HPS3: variants seen among roughly 807,000 people sequenced by gnomAD.
HPS3 encodes the protein BLOC-2 complex member HPS3.
In HPS3, 79 loss-of-function variants were observed where a neutral mutation model predicts 110.9. The observed-to-expected ratio is 0.71, with a 90% CI of 0.59 to 0.86. The LOEUF is 0.86. HPS3 is among the 40% of genes least tolerant of loss of function. The probability of loss-of-function intolerance (pLI) is 0.00; values close to 1 mark genes in which losing one functional copy is unlikely to be tolerated. For synonymous variants in HPS3, 428 were observed against 451.0 expected (o/e 0.95, Z 0.65); for missense variants, 1,197 against 1,206.2 (o/e 0.99, Z 0.11).
intron 9 of HPS3, 86 bp downstream of exon 9, chr3:149,157,617 C>T: frequency 3.3e-6 from 4 of 1,207,944 alleles, no homozygotes; most frequent in Non-Finnish European, 4.9e-6. Context: ...TGGTAGTTAC[C>T]TGATAAATGG....
intron 6 of HPS3, among the ~76,000 whole-genome samples, chr3:149,152,201 G>A (rs564167471): frequency 6.4e-4 from 98 of 152,228 alleles, no homozygotes; most frequent in African/African-American, 2.3e-3. Flanking sequence ...AAATAGAAAA[G>A]TAACAGATTA....
intron 1 of HPS3, among the ~76,000 whole-genome samples, chr3:149,137,062 A>G (rs1367978299): frequency 1.3e-5 from 2 of 152,196 alleles, no homozygotes; most frequent in African/African-American, 2.4e-5. Flanking sequence ...ATATTTCCGA[A>G]TCATATATCT....
rs368102284 is a variant in HPS3 at position 149,153,740 on chromosome 3, TTGGAA to T, written c.1400+95_1400+99del. 3.6e-5 allele frequency: 48 copies of T among 1,331,320 alleles called. 1 individual carries two copies. The African/African-American group carries it at 6.7e-4, about 18-fold the overall frequency. 82.5% of individuals were successfully genotyped at this position (1,331,320 alleles called of 1,614,324 possible). ...TGTTTATCTTTTTTCAAATCATAAC[TTGGAA>T]TGATCAAATGGCTTTTTTATGGTGG... is the stretch of plus-strand genomic sequence containing the variant. On this transcript the variant is annotated intron_variant, in intron 7 of 16. Coordinates refer to ENST00000296051, the MANE Select transcript of HPS3 (RefSeq NM_032383.5).
intron 8 of HPS3, 107 bp from the exon 9 acceptor site, chr3:149,157,243 A>G: frequency 3.0e-6 from 3 of 1,000,464 alleles, no homozygotes; most frequent in South Asian, 2.7e-5. Flanking sequence ...AGGGTTTAAT[A>G]TGTCCAAATG....
chr3:149,157,607 T>G, intron 9 of HPS3, 76 bp downstream of exon 9: 17 of 1,311,456 alleles, frequency 1.3e-5, no homozygotes, highest in Non-Finnish European at 1.6e-5. Context: ...TTTCCATCTC[T>G]GGTAGTTACC....
chr3:149,131,282 G>A (rs1721758532), intron 1 of HPS3, among the ~76,000 whole-genome samples: 1 of 151,220 alleles, frequency 6.6e-6, no homozygotes, highest in Admixed American at 6.6e-5. Context: ...TGTTTTTTTT[G>A]CATTTCACTT....
intron 8 of HPS3, 32 bp from the exon 9 acceptor site, chr3:149,157,318 C>T (rs773409602): frequency 2.5e-6 from 4 of 1,585,728 alleles, no homozygotes; most frequent in African/African-American, 2.7e-5. Context: ...AGTCTCTCTT[C>T]AGCAACATTA....
chr3:149,151,662 C>T (rs963050160), intron 6 of HPS3, among the ~76,000 whole-genome samples: 8 of 139,726 alleles, frequency 5.7e-5, no homozygotes, highest in South Asian at 2.4e-4. Context: ...TGTTGAGATT[C>T]GGTGTTTTCT....
chr3:149,166,154 G>A, intron 14 of HPS3: 1 of 382,294 alleles, frequency 2.6e-6, no homozygotes, highest in Non-Finnish European at 5.2e-6. Context: ...AGAATCAAAA[G>A]TAGTATTTAT....
At chr3:149,151,617 G>A (rs11711995) in intron 6 of HPS3, among the ~76,000 whole-genome samples, 8,489 of 46,974 alleles carry the variant, frequency 0.18, 607 homozygotes, top group African/African-American at 0.32. Flanking sequence ...AAAAAAAAAA[G>A]CCTCTTGACC....
Position 149,129,945 on chromosome 3 carries a change from GTAATC to G in HPS3, c.217+8_217+12del, listed in dbSNP as rs1721651537. 1 of 1,538,800 alleles carries G rather than the reference GTAATC, an allele frequency of 6.5e-7. No individual in the cohort carries two copies. Among genetic ancestry groups the G allele is most frequent in the Non-Finnish European group, 8.7e-7 (1 of 1,148,736 alleles). ...GCCTGGCCTACAGCGAGGCTGGTGAGTAATCTAGAGAGCCAGGGGCCGCCTGGGGT... is the reference window on the plus strand; with the variant it reads ...GCCTGGCCTACAGCGAGGCTGGTGAGTAGAGAGCCAGGGGCCGCCTGGGGT... On this transcript the variant is annotated splice_donor_region_variant and intron_variant, in intron 1 of 16. Coordinates refer to ENST00000296051, the MANE Select transcript of HPS3 (RefSeq NM_032383.5).
chr3:149,162,253 C>G lies in HPS3; in HGVS notation c.2212C>G (p.Pro738Ala), dbSNP rs913384287. ...TGCACTTCACTTGAAGGAAACTCAG[C>G]CTGGATTGCTTGTGGCTTCAGTTCT... ...ELALHLKETQ[P>A]GLLVASVLGL... Residue 738 changes from proline (P) to alanine (A), a missense_variant, in exon 12 of 17, where the codon CCT becomes GCT. Physicochemically the swap from Pro to Ala is conservative, Grantham distance 27. Coordinates refer to ENST00000296051, the MANE Select transcript of HPS3 (RefSeq NM_032383.5). The G allele has an allele frequency of 1.9e-6, 3 of 1,613,860 alleles. No individual in the cohort carries two copies. Among genetic ancestry groups the G allele is most frequent in the Non-Finnish European group, 1.7e-6 (2 of 1,179,964 alleles).
chr3:149,149,919 G>A (rs1161834519), intron 5 of HPS3, among the ~76,000 whole-genome samples: 1 of 152,176 alleles, frequency 6.6e-6, no homozygotes, highest in Admixed American at 6.5e-5. Flanking sequence ...GAAGCAGCCT[G>A]GAGTTGTGGA....
chr3:149,156,314 A>G (rs1327856871), intron 8 of HPS3, among the ~76,000 whole-genome samples: 2 of 152,158 alleles, frequency 1.3e-5, no homozygotes, highest in Admixed American at 6.6e-5. Flanking sequence ...TAAATTTAAC[A>G]TTGACACAGT....
At chr3:149,137,278 C>T (rs1722167640) in intron 1 of HPS3, among the ~76,000 whole-genome samples, 2 of 152,178 alleles carry the variant, frequency 1.3e-5, no homozygotes, top group African/African-American at 4.8e-5. Context: ...AGTGAGATAG[C>T]ACCTCACACC....
intron 5 of HPS3, among the ~76,000 whole-genome samples, chr3:149,146,294 C>T (rs1462115977): frequency 6.6e-6 from 1 of 152,160 alleles, no homozygotes; most frequent in Non-Finnish European, 1.5e-5. Context: ...GAGAGACACA[C>T]AAGAGTCACA....
intron 1 of HPS3, among the ~76,000 whole-genome samples, chr3:149,136,222 A>G (rs1041660395): frequency 6.6e-6 from 1 of 151,836 alleles, no homozygotes; most frequent in Non-Finnish European, 1.5e-5. Flanking sequence ...ATATACACAC[A>G]CACACACAAA....
chr3:149,131,675 C>T (rs1022708443), intron 1 of HPS3, among the ~76,000 whole-genome samples: 1 of 152,174 alleles, frequency 6.6e-6, no homozygotes, highest in Non-Finnish European at 1.5e-5. Context: ...CCTACAATGT[C>T]TTCTAAATGT....
intron 14 of HPS3, among the ~76,000 whole-genome samples, chr3:149,166,323 A>G (rs545378346): frequency 1.3e-5 from 2 of 152,300 alleles, no homozygotes; most frequent in African/African-American, 2.4e-5. Flanking sequence ...TTGCATATGT[A>G]TGTAGCACAT....
Sources: allele counts gnomAD v4.1 joint callset (sites outside exome capture counted in the v4.1 genomes callset), GRCh38; gene constraint gnomAD v4.1.1; transcripts MANE v1.5; gene names NCBI Gene and HGNC (gene_info 2026-07-23, HGNC 2026-07-21).